The following TIMD4 variants were observed in gnomAD, a reference collection of about 807,000 sequenced individuals.
TIMD4 encodes the protein T-cell immunoglobulin and mucin domain-containing protein 4.
TIMD4 carries 31 observed loss-of-function variants against 41.2 expected under a neutral mutation model. That is an observed-to-expected ratio of 0.75 (90% CI 0.57 to 1.01). The LOEUF (loss-of-function observed/expected upper bound fraction) is 1.01, where lower values mean the gene tolerates loss of function less well. Among genes scored for constraint, TIMD4 ranks in the 50% least tolerant of loss-of-function variants. TIMD4 has a pLI of 0.00. For missense variants in TIMD4, 479 were observed against 472.5 expected (o/e 1.01, Z -0.13); for synonymous variants, 204 against 177.1 (o/e 1.15, Z -1.21).
At chr5:156,931,293 T>C (rs1281981467) in intron 5 of TIMD4, among the ~76,000 whole-genome samples, 1 of 152,176 alleles carries the variant, frequency 6.6e-6, no homozygotes, top group African/African-American at 2.4e-5. Context: ...TTGAGGTCAT[T>C]TGTTACAGCA....
At chr5:156,936,974 A>G (rs1427973666) in intron 5 of TIMD4, among the ~76,000 whole-genome samples, 1 of 151,164 alleles carries the variant, frequency 6.6e-6, no homozygotes, top group Non-Finnish European at 1.5e-5. Context: ...CCAGTCCTGT[A>G]CCACCTGGAT....
chr5:156,950,089 G>GT (rs1759826013), intron 3 of TIMD4, among the ~76,000 whole-genome samples: 1 of 151,212 alleles, frequency 6.6e-6, no homozygotes, highest in African/African-American at 2.4e-5. Context: ...AAGTGCTGAG[G>GT]TTACAGGCAT....
intron 4 of TIMD4, among the ~76,000 whole-genome samples, 192 bp from the exon 5 acceptor site, chr5:156,948,691 A>G (rs1759792434): frequency 2.6e-5 from 4 of 152,250 alleles, no homozygotes; most frequent in Admixed American, 2.6e-4. Flanking sequence ...GTGTAAACAC[A>G]GGATAGGTGT....
At chr5:156,956,847 T>C (rs1759980676) in intron 1 of TIMD4, among the ~76,000 whole-genome samples, 1 of 152,190 alleles carries the variant, frequency 6.6e-6, no homozygotes, top group Admixed American at 6.5e-5. Flanking sequence ...AGATTCTCCA[T>C]TCACTAACTT....
chr5:156,925,369 C>T lies in TIMD4; in HGVS notation c.894+894G>A, dbSNP rs116101045. Reference sequence around the variant, plus strand: ...TTGGGGCATCTTGCTGGGGCTATGCCATCTCCATTGACCAAGATATGCTCT... The same window carrying T: ...TTGGGGCATCTTGCTGGGGCTATGCTATCTCCATTGACCAAGATATGCTCT... On this transcript the variant is annotated intron_variant, in intron 6 of 8. Transcript: ENST00000274532. Among the ~76,000 whole-genome samples the T allele has an allele frequency of 5.7e-3, 862 of 152,296 alleles. 11 individuals are homozygous for T. The highest frequency in any genetic ancestry group is 0.02 in the African/African-American group (821 of 41,552).
rs758565340 is a variant in TIMD4, at chr5:156,920,458, G to C, written c.1052+6C>G. ...TTACAACACCCATTCATGCAAGATAGATTACCTTGTGTGTTTCTGCGAACA... is the reference window on the plus strand; with the variant it reads ...TTACAACACCCATTCATGCAAGATACATTACCTTGTGTGTTTCTGCGAACA... On this transcript the variant is annotated splice_donor_region_variant and intron_variant, in intron 8 of 8. Transcript: ENST00000274532. 1.9e-6 allele frequency: 3 copies of C among 1,613,856 alleles called. No individual in the cohort carries two copies. In the Admixed American group the frequency reaches 5.0e-5, roughly 27 times the overall value.
At chr5:156,929,591 A>G (rs1759411906) in intron 5 of TIMD4, among the ~76,000 whole-genome samples, 1 of 152,238 alleles carries the variant, frequency 6.6e-6, no homozygotes, top group African/African-American at 2.4e-5. Flanking sequence ...TGATGCTGTC[A>G]TAAGCCAGGG....
chr5:156,945,592 C>CA (rs1759725136), intron 5 of TIMD4, among the ~76,000 whole-genome samples: 1 of 151,760 alleles, frequency 6.6e-6, no homozygotes, highest in African/African-American at 2.4e-5. Context: ...GTTTCATTAC[C>CA]AAAAAAACAG....
chr5:156,937,639 C>T (rs138695550), intron 5 of TIMD4, among the ~76,000 whole-genome samples: 222 of 152,238 alleles, frequency 1.5e-3, no homozygotes, highest in African/African-American at 5.1e-3. Context: ...ATGGACATAC[C>T]TCTTTTAAAG....
At position 156,920,463 on chromosome 5, in the gene TIMD4, C is replaced by T. The variant is rs1433822582; in HGVS notation, c.1052+1G>A. 2 of 1,613,968 alleles carry T rather than the reference C, an allele frequency of 1.2e-6. No homozygotes were observed. Among genetic ancestry groups the T allele is most frequent in the African/African-American group, 2.7e-5 (2 of 75,036 alleles). On this transcript the variant is annotated splice_donor_variant, in intron 8 of 8. Coordinates refer to ENST00000274532, the MANE Select transcript of TIMD4 (RefSeq NM_138379.3). LOFTEE classifies it high-confidence loss of function. Reference sequence around the variant, plus strand: ...ACACCCATTCATGCAAGATAGATTACCTTGTGTGTTTCTGCGAACAATAGG... The same window carrying T: ...ACACCCATTCATGCAAGATAGATTATCTTGTGTGTTTCTGCGAACAATAGG...
intron 6 of TIMD4, among the ~76,000 whole-genome samples, chr5:156,922,531 G>A (rs996728743): frequency 6.6e-6 from 1 of 152,164 alleles, no homozygotes; most frequent in African/African-American, 2.4e-5. Context: ...CTAGCCCTGT[G>A]CTACTCTTTT....
chr5:156,935,084 G>A (rs1759515325), intron 5 of TIMD4, among the ~76,000 whole-genome samples: 1 of 152,098 alleles, frequency 6.6e-6, no homozygotes, highest in Non-Finnish European at 1.5e-5. Flanking sequence ...GATCATGGGC[G>A]ATATGGTCTT....
chr5:156,957,814 C>T (rs1196807287), intron 1 of TIMD4, among the ~76,000 whole-genome samples: 2 of 151,838 alleles, frequency 1.3e-5, no homozygotes, highest in African/African-American at 4.8e-5. Context: ...GGCAACAAAG[C>T]AAGACTGCCT....
At chr5:156,940,009 C>G (rs569164257) in intron 5 of TIMD4, among the ~76,000 whole-genome samples, 19 of 152,244 alleles carry the variant, frequency 1.2e-4, no homozygotes, top group Non-Finnish European at 2.5e-4. Context: ...CCTCTGTTGC[C>G]GAGGCTGGAC....
At chr5:156,925,965 G>A (rs1370045020) in intron 6 of TIMD4, among the ~76,000 whole-genome samples, 2 of 152,210 alleles carry the variant, frequency 1.3e-5, no homozygotes, top group African/African-American at 2.4e-5. Flanking sequence ...GTGCAATAGC[G>A]CCATCTTGGC....
intron 5 of TIMD4, among the ~76,000 whole-genome samples, chr5:156,940,605 GC>G (rs1759628140): frequency 7.1e-6 from 1 of 141,128 alleles, no homozygotes; most frequent in Non-Finnish European, 1.5e-5. Flanking sequence ...CTGCCCGGCC[GC>G]CCCGTCTGGG....
intron 1 of TIMD4, 123 bp from the exon 2 acceptor site, chr5:156,954,879 C>A: frequency 1.1e-6 from 1 of 888,362 alleles, no homozygotes; most frequent in Non-Finnish European, 1.7e-6. Context: ...TGTTTCTTTT[C>A]TTTCCTTTTT....
intron 5 of TIMD4, among the ~76,000 whole-genome samples, chr5:156,940,057 C>A (rs1048219385): frequency 6.6e-6 from 1 of 152,264 alleles, no homozygotes; most frequent in African/African-American, 2.4e-5. Flanking sequence ...AACCTCCCTG[C>A]CTGATTCTCC....
intron 6 of TIMD4, 27 bp from the exon 7 acceptor site, chr5:156,922,243 A>G (rs1480433873): frequency 1.3e-6 from 2 of 1,565,982 alleles, no homozygotes; most frequent in Admixed American, 3.3e-5. Context: ...AAGGAGATGG[A>G]CCCAGTCACT....
Sources: allele counts gnomAD v4.1 joint callset (sites outside exome capture counted in the v4.1 genomes callset), GRCh38; gene constraint gnomAD v4.1.1; transcripts MANE v1.5; gene names NCBI Gene and HGNC (gene_info 2026-07-23, HGNC 2026-07-21).